The following ANGPT2 variants were observed in gnomAD, a reference collection of about 807,000 sequenced individuals.
The protein encoded by ANGPT2 is angiopoietin-2.
In ANGPT2, 28 loss-of-function variants were observed where a neutral mutation model predicts 62.9. That is an observed-to-expected ratio of 0.44 (90% confidence interval 0.33 to 0.61). ANGPT2 has a LOEUF of 0.61. Ranked by LOEUF, ANGPT2 falls within the 20% of genes least tolerant of loss-of-function variation. ANGPT2 has a pLI of 0.03. For synonymous variants in ANGPT2, 284 were observed against 207.8 expected, an observed-to-expected ratio of 1.37 and a Z score of -3.15; for missense variants, 727 against 594.9, an observed-to-expected ratio of 1.22 and a Z score of -2.31.
intron 2 of ANGPT2, among the ~76,000 whole-genome samples, chr8:6,529,895 A>G (rs1033902371): frequency 6.6e-6 from 1 of 150,654 alleles, no homozygotes; most frequent in Non-Finnish European, 1.5e-5. Flanking sequence ...TTTTTTTTAA[A>G]TCATATGACG....
intron 1 of ANGPT2, among the ~76,000 whole-genome samples, chr8:6,547,905 C>G (rs1233939656): frequency 6.7e-6 from 1 of 148,612 alleles, no homozygotes; most frequent in East Asian, 2.0e-4. Flanking sequence ...TTTTTTTTAA[C>G]CAAAACTCAC....
At chr8:6,540,753 G>T (rs1227248796) in intron 1 of ANGPT2, among the ~76,000 whole-genome samples, 1 of 152,282 alleles carries the variant, frequency 6.6e-6, no homozygotes, top group Non-Finnish European at 1.5e-5. Context: ...TGAGACAAAG[G>T]CAGGCATGCA....
At chr8:6,532,790 G>C (rs980574875) in intron 1 of ANGPT2, among the ~76,000 whole-genome samples, 9 of 152,152 alleles carry the variant, frequency 5.9e-5, no homozygotes, top group Non-Finnish European at 1.2e-4. Context: ...AGGGTGGTGA[G>C]GGCAGCCACA....
chr8:6,537,678 C>A (rs1820759768), intron 1 of ANGPT2, among the ~76,000 whole-genome samples: 1 of 151,966 alleles, frequency 6.6e-6, no homozygotes, highest in Non-Finnish European at 1.5e-5. Flanking sequence ...TGTGAGGCAA[C>A]TATGGCAGAT....
At chr8:6,530,482 C>T (rs1048680342) in intron 2 of ANGPT2, among the ~76,000 whole-genome samples, 1 of 142,954 alleles carries the variant, frequency 7.0e-6, no homozygotes, top group Non-Finnish European at 1.5e-5. Context: ...GCACTCCAAC[C>T]TGGGCAATGC....
intron 1 of ANGPT2, among the ~76,000 whole-genome samples, chr8:6,546,419 G>C (rs142455787): frequency 6.6e-6 from 1 of 152,208 alleles, no homozygotes; most frequent in South Asian, 2.1e-4. Flanking sequence ...AGCATAGAGC[G>C]TAAAATGCAG....
chr8:6,518,127 G>C (rs1816636025), intron 5 of ANGPT2, among the ~76,000 whole-genome samples: 1 of 152,184 alleles, frequency 6.6e-6, no homozygotes, highest in Non-Finnish European at 1.5e-5. Context: ...CTTGCACTTA[G>C]ACTGAGAAAC....
At chr8:6,509,488 A>C (rs919049937) in intron 7 of ANGPT2, among the ~76,000 whole-genome samples, 1 of 152,222 alleles carries the variant, frequency 6.6e-6, no homozygotes, top group Non-Finnish European at 1.5e-5. Flanking sequence ...GGGATGGAGA[A>C]TGCAGCAGAC....
intron 1 of ANGPT2, among the ~76,000 whole-genome samples, chr8:6,554,256 ATG>A (rs763567069): frequency 2.8e-4 from 42 of 151,408 alleles, no homozygotes; most frequent in Non-Finnish European, 5.0e-4. Flanking sequence ...TCTGGACTAA[ATG>A]TGACAAAATT....
chr8:6,509,761 G>A (rs934609981), intron 7 of ANGPT2, among the ~76,000 whole-genome samples: 34 of 152,124 alleles, frequency 2.2e-4, no homozygotes, highest in South Asian at 4.1e-4. Flanking sequence ...CTGACCTTTG[G>A]AGCATCATAG....
chr8:6,532,946 T>C (rs147591607), intron 1 of ANGPT2, among the ~76,000 whole-genome samples: 11 of 152,354 alleles, frequency 7.2e-5, no homozygotes, highest in African/African-American at 2.4e-4. Flanking sequence ...CACATAGACT[T>C]GAGAAGACAC....
Position 6,508,943 on chromosome 8 carries a change from A to G in ANGPT2, c.1316T>C (p.Met439Thr), listed in dbSNP as rs1814360073. The G allele has an allele frequency of 1.9e-6, 3 of 1,614,142 alleles. No homozygotes were observed. Among genetic ancestry groups the G allele is most frequent in the Non-Finnish European group, 2.5e-6 (3 of 1,180,032 alleles). ...NDKCICKCSQ[M>T]LTGGWWFDAC... ...AAAGTCATCCCTACCTCCTGTTAGC[A>G]TTTGTGAACATTTGCAAATACATTT... The change falls in exon 8 of 9, where the codon ATG becomes ACG. Residue 439 changes from methionine to threonine, a missense_variant. Met to Thr is a moderately conservative substitution (Grantham distance 81). Transcript: ENST00000629816.
At chr8:6,552,130 T>C (rs1313937524) in intron 1 of ANGPT2, among the ~76,000 whole-genome samples, 2 of 152,194 alleles carry the variant, frequency 1.3e-5, no homozygotes, top group East Asian at 3.8e-4. Context: ...TACTAAGATA[T>C]GTGGCTTGAC....
intron 2 of ANGPT2, among the ~76,000 whole-genome samples, 162 bp from the exon 3 acceptor site, chr8:6,527,838 C>G (rs1818634168): frequency 6.6e-6 from 1 of 151,596 alleles, no homozygotes; most frequent in African/African-American, 2.4e-5. Context: ...TCAGAAAAGG[C>G]TCAATGTCTT....
rs552557731 is a variant in ANGPT2, at chr8:6,508,371, C to G, written c.1327+561G>C. ...GCTGAGGCAGGAGAATCGCTTGAGCCTGGGAGGCAGGGGTTGCAGTGAGCT... is the reference window on the plus strand; with the variant it reads ...GCTGAGGCAGGAGAATCGCTTGAGCGTGGGAGGCAGGGGTTGCAGTGAGCT... On this transcript the variant is annotated intron_variant, in intron 8 of 8. Transcript: ENST00000629816. 3 of 154,198 alleles carry G rather than the reference C, an allele frequency of 1.9e-5. No homozygotes were observed. In the South Asian group the frequency reaches 6.1e-4, roughly 31 times the overall value. 9.6% of individuals were successfully genotyped at this position (154,198 alleles called of 1,614,324 possible).
At chr8:6,562,544 T>C in intron 1 of ANGPT2, 103 bp downstream of exon 1, 2 of 343,290 alleles carry the variant, frequency 5.8e-6, no homozygotes, top group East Asian at 5.0e-5. Context: ...ATCCTCTTCA[T>C]CCTCCTTCTT....
chr8:6,507,648 G>A (rs575708982), intron 8 of ANGPT2: 1 of 146,584 alleles, frequency 6.8e-6, no homozygotes, highest in South Asian at 2.2e-4. Context: ...ACGATCTTGG[G>A]TTACTGCAAC....
At chr8:6,512,593 T>C (rs897779678) in intron 7 of ANGPT2, among the ~76,000 whole-genome samples, 6 of 152,230 alleles carry the variant, frequency 3.9e-5, no homozygotes, top group Non-Finnish European at 7.3e-5. Context: ...CTCACTTCTC[T>C]GCCCCTCCCG....
intron 1 of ANGPT2, among the ~76,000 whole-genome samples, chr8:6,534,741 A>C (rs1317460818): frequency 1.3e-5 from 2 of 152,242 alleles, no homozygotes; most frequent in African/African-American, 4.8e-5. Flanking sequence ...CTGAAATCTT[A>C]CTAACCGTTT....
Sources: allele counts gnomAD v4.1 joint callset (sites outside exome capture counted in the v4.1 genomes callset), GRCh38; gene constraint gnomAD v4.1.1; transcripts MANE v1.5; gene names NCBI Gene and HGNC (gene_info 2026-07-23, HGNC 2026-07-21).